The following MAGI1 variants were observed in gnomAD, a reference collection of about 807,000 sequenced individuals.
The protein encoded by MAGI1 is membrane-associated guanylate kinase, WW and PDZ domain-containing protein 1.
Under a neutral mutation model 139.9 loss-of-function variants are expected in MAGI1, and 58 were observed. The observed-to-expected ratio is 0.41, with a 90% CI of 0.34 to 0.52. MAGI1 has a LOEUF of 0.52. Among genes scored for constraint, MAGI1 ranks in the 20% least tolerant of loss-of-function variants. The pLI is 0.12. For synonymous variants in MAGI1, 812 were observed against 737.9 expected, an observed-to-expected ratio of 1.10 and a Z score of -1.63; for missense variants, 1,874 against 1,901.6, an observed-to-expected ratio of 0.99 and a Z score of 0.27.
At chr3:65,634,886 T>C (rs1175276505) in intron 1 of MAGI1, among the ~76,000 whole-genome samples, 1 of 152,100 alleles carries the variant, frequency 6.6e-6, no homozygotes, top group African/African-American at 2.4e-5. Flanking sequence ...TTTGGTTATT[T>C]GGGGATGAGT....
At chr3:65,597,928 G>C (rs777646686) in intron 2 of MAGI1, 3 of 353,122 alleles carry the variant, frequency 8.5e-6, no homozygotes, top group South Asian at 3.4e-5. Context: ...GCGGGGGTGG[G>C]GGGGGGGTGG....
chr3:65,981,056 G>A (rs1264322218), intron 1 of MAGI1, among the ~76,000 whole-genome samples: 1 of 151,160 alleles, frequency 6.6e-6, no homozygotes, highest in African/African-American at 2.4e-5. Context: ...AGGTACTTGG[G>A]AGGCAGAGGC....
intron 1 of MAGI1, among the ~76,000 whole-genome samples, chr3:65,834,736 G>C (rs1382187382): frequency 1.3e-5 from 2 of 152,130 alleles, no homozygotes; most frequent in Non-Finnish European, 2.9e-5. Context: ...AGCAGTTTTT[G>C]CTTCACATAT....
intron 1 of MAGI1, among the ~76,000 whole-genome samples, chr3:65,918,379 A>T (rs1276248012): frequency 1.6e-4 from 20 of 128,688 alleles, no homozygotes; most frequent in East Asian, 1.1e-3. Context: ...GCTCCAAAAC[A>T]TTTTTTTTTT....
At position 65,360,237 on chromosome 3, in the gene MAGI1, A is replaced by T. The variant is rs994206201; in HGVS notation, c.3634+962T>A. ...CAGAAAAGAGGGTGATAATAGATAA[A>T]TCCCTAATAAAGGGGACCAACGTAT... On this transcript the variant is annotated intron_variant, in intron 22 of 22. Transcript: ENST00000402939. 16 of 985,236 alleles carry T rather than the reference A, an allele frequency of 1.6e-5. No homozygotes were observed. The African/African-American group carries it at 2.6e-4, about 16-fold the overall frequency. The allele number at this position is 985,236 out of a possible 1,614,324, so 61.0% of individuals were successfully genotyped here. A position where few individuals can be genotyped will look rare whatever the true frequency, so the allele number is the denominator to read the frequency against.
chr3:65,519,512 G>C (rs1576159596), intron 2 of MAGI1, among the ~76,000 whole-genome samples: 1 of 151,776 alleles, frequency 6.6e-6, no homozygotes, highest in East Asian at 1.9e-4. Flanking sequence ...TAGCCTCCCG[G>C]GTAGCTGGGA....
At chr3:65,809,756 C>T (rs1482534874) in intron 1 of MAGI1, among the ~76,000 whole-genome samples, 1 of 152,170 alleles carries the variant, frequency 6.6e-6, no homozygotes, top group Non-Finnish European at 1.5e-5. Context: ...GGATATTATG[C>T]AGGCAAAACA....
At chr3:65,896,340 A>C (rs1252941236) in intron 1 of MAGI1, among the ~76,000 whole-genome samples, 2 of 151,306 alleles carry the variant, frequency 1.3e-5, no homozygotes, top group Non-Finnish European at 2.9e-5. Flanking sequence ...GCTGACAGGA[A>C]GGTTATCAAT....
chr3:65,487,344 A>G (rs1435515463), intron 3 of MAGI1, among the ~76,000 whole-genome samples: 2 of 152,186 alleles, frequency 1.3e-5, no homozygotes, highest in Non-Finnish European at 2.9e-5. Context: ...GACCACAACC[A>G]TATCTGCTTT....
intron 1 of MAGI1, among the ~76,000 whole-genome samples, chr3:65,691,423 T>A (rs972541751): frequency 1.3e-5 from 2 of 152,094 alleles, no homozygotes; most frequent in African/African-American, 4.8e-5. Context: ...AAAACCACAA[T>A]TACTTTTGCA....
intron 1 of MAGI1, among the ~76,000 whole-genome samples, chr3:65,927,080 C>G (rs919215862): frequency 1.3e-5 from 2 of 152,212 alleles, no homozygotes; most frequent in Non-Finnish European, 2.9e-5. Flanking sequence ...TAATCCACCC[C>G]TTGTGTAGCA....
intron 1 of MAGI1, among the ~76,000 whole-genome samples, chr3:65,893,557 A>G (rs751013221): frequency 2.0e-5 from 3 of 152,228 alleles, no homozygotes; most frequent in Non-Finnish European, 4.4e-5. Context: ...TCAGAAGTCC[A>G]GAGGGAATTA....
intron 2 of MAGI1, among the ~76,000 whole-genome samples, chr3:65,523,611 T>A (rs2078256246): frequency 6.6e-6 from 1 of 152,198 alleles, no homozygotes; most frequent in Non-Finnish European, 1.5e-5. Flanking sequence ...GTGTTAGATA[T>A]TGCACAGATT....
chr3:65,669,588 C>T (rs1336880891), intron 1 of MAGI1, among the ~76,000 whole-genome samples: 1 of 152,202 alleles, frequency 6.6e-6, no homozygotes. Flanking sequence ...CCACTTCCAC[C>T]GCTTAGTAGC....
chr3:65,821,041 C>A (rs916920422), intron 1 of MAGI1, among the ~76,000 whole-genome samples: 4 of 120,520 alleles, frequency 3.3e-5, no homozygotes, highest in African/African-American at 1.1e-4. Context: ...GTCAAATCTG[C>A]AAAGGAAAGG....
At chr3:65,378,558 T>G (rs1371620889) in intron 17 of MAGI1, among the ~76,000 whole-genome samples, 1 of 152,198 alleles carries the variant, frequency 6.6e-6, no homozygotes, top group African/African-American at 2.4e-5. Flanking sequence ...AAGACCATTC[T>G]GAGGCCCTTG....
At chr3:65,364,616 T>C (rs1202140061) in intron 20 of MAGI1, 49 bp downstream of exon 20, 1 of 1,516,328 alleles carries the variant, frequency 6.6e-7, no homozygotes, top group Non-Finnish European at 9.1e-7. Context: ...CTTGAGAAAG[T>C]TGGAAGGAAA....
At chr3:65,736,809 A>G (rs149842551) in intron 1 of MAGI1, among the ~76,000 whole-genome samples, 20 of 152,308 alleles carry the variant, frequency 1.3e-4, no homozygotes, top group African/African-American at 4.3e-4. Context: ...CCTCTTCCAG[A>G]AACACTCTTA....
At chr3:65,642,342 G>A (rs1218304525) in intron 1 of MAGI1, among the ~76,000 whole-genome samples, 1 of 152,104 alleles carries the variant, frequency 6.6e-6, no homozygotes. Context: ...TTTCTTTAAT[G>A]AGACATTATT....
Sources: allele counts gnomAD v4.1 joint callset (sites outside exome capture counted in the v4.1 genomes callset), GRCh38; gene constraint gnomAD v4.1.1; transcripts MANE v1.5; gene names NCBI Gene and HGNC (gene_info 2026-07-23, HGNC 2026-07-21).